The following ZNF718 variants were observed in gnomAD, a reference collection of about 807,000 sequenced individuals.
ZNF718 encodes the protein zinc finger protein 718.
A neutral mutation model predicts 2.6 loss-of-function variants in ZNF718; 3 were observed. The observed-to-expected ratio is 1.16, with a 90% CI of 0.53 to 3.01. ZNF718 has a LOEUF of 3.01. Ranked by LOEUF, ZNF718 falls within the 30% of genes most tolerant of loss-of-function variation. ZNF718 has a pLI of 0.03. For synonymous variants in ZNF718, 135 were observed against 77.9 expected, an observed-to-expected ratio of 1.73 and a Z score of -3.86; for missense variants, 468 against 230.0, an observed-to-expected ratio of 2.03 and a Z score of -6.69.
At chr4:140,627 C>T (rs1266746265) in intron 3 of ZNF718, among the ~76,000 whole-genome samples, 3 of 152,070 alleles carry the variant, frequency 2.0e-5, no homozygotes, top group African/African-American at 7.2e-5. Flanking sequence ...GGTTCACAGC[C>T]TTCATTGGAT....
intron 3 of ZNF718, among the ~76,000 whole-genome samples, chr4:176,798 C>A (rs1207891150): frequency 6.6e-6 from 1 of 152,206 alleles, no homozygotes; most frequent in African/African-American, 2.4e-5. Flanking sequence ...TAGACTCATT[C>A]TCTTATTCAA....
At chr4:200,967 A>G (rs1717887408) in intron 3 of ZNF718, 1 of 152,464 alleles carries the variant, frequency 6.6e-6, no homozygotes, top group Admixed American at 6.5e-5. Flanking sequence ...AAAAGAAGAA[A>G]TATAAATTTG....
At chr4:157,103 C>CTTTTTTTTTTTTTTTTTTTT (rs199814257) in intron 3 of ZNF718, among the ~76,000 whole-genome samples, 2 of 103,148 alleles carry the variant, frequency 1.9e-5, no homozygotes, top group African/African-American at 4.0e-5. Context: ...TTCTTTCTTT[C>CTTTTTTTTTTTTTTTTTTTT]TTTTTTTTTT....
intron 3 of ZNF718, among the ~76,000 whole-genome samples, chr4:192,790 C>T (rs577950100): frequency 1.3e-5 from 2 of 152,202 alleles, no homozygotes; most frequent in South Asian, 2.1e-4. Flanking sequence ...TTTACAGCTT[C>T]GATTCTGGAA....
chr4:124,777 C>A, intron 1 of ZNF718, 104 bp downstream of exon 1: 2 of 1,501,476 alleles, frequency 1.3e-6, no homozygotes, highest in African/African-American at 1.4e-5. Flanking sequence ...CCCGCTCAGC[C>A]CTCTGTCCTC....
chr4:137,932 TAG>T (rs1342494353), intron 3 of ZNF718, among the ~76,000 whole-genome samples: 3 of 152,240 alleles, frequency 2.0e-5, no homozygotes, highest in African/African-American at 7.2e-5. Context: ...CCAAAAATTG[TAG>T]AGTTATGCTT....
chr4:181,844 G>C (rs1717471613), intron 3 of ZNF718, among the ~76,000 whole-genome samples: 3 of 152,064 alleles, frequency 2.0e-5, no homozygotes, highest in African/African-American at 7.2e-5. Context: ...AGGCCCCAGT[G>C]TGTGTTTTTC....
intron 3 of ZNF718, among the ~76,000 whole-genome samples, chr4:146,077 C>CCATATATA: frequency 7.0e-6 from 1 of 143,062 alleles, no homozygotes; most frequent in African/African-American, 2.6e-5. Context: ...ATATAGCCTT[C>CCATATATA]TATATATATA....
chr4:127,244 A>G (rs2108778205), intron 1 of ZNF718, among the ~76,000 whole-genome samples: 1 of 105,012 alleles, frequency 9.5e-6, no homozygotes, highest in African/African-American at 3.3e-5. Context: ...TCCAGCCACA[A>G]CCCACAATTG....
At chr4:167,641 GCTCT>G (rs565397268), downstream of ZNF718, among the ~76,000 whole-genome samples, 678 of 152,062 alleles carry the variant, frequency 4.5e-3, 7 homozygotes, top group African/African-American at 0.016. Flanking sequence ...TCATGATTTG[GCTCT>G]CTGTTTGTCT....
In ZNF718 at chr4:132,039, C is replaced by T. The variant is rs1455005694; in HGVS notation, c.226+534C>T. Among the ~76,000 whole-genome samples the T allele has an allele frequency of 5.9e-5, 5 of 85,226 alleles. 2 individuals carry two copies. Among genetic ancestry groups the T allele is most frequent in the African/African-American group, 1.2e-4 (3 of 24,216 alleles). The allele number at this position is 85,226 out of a possible 152,430, so 55.9% of individuals were successfully genotyped here. A position where few individuals can be genotyped will look rare whatever the true frequency, so the allele number is the denominator to read the frequency against. On this transcript the variant is annotated intron_variant, in intron 3 of 3. Transcript: ENST00000510175. ...CAGCCTGAGCGACAGAGCGAGACTCCGTCTCAAAAAAAAAAAAAACCCAGG... is the reference window on the plus strand; with the variant it reads ...CAGCCTGAGCGACAGAGCGAGACTCTGTCTCAAAAAAAAAAAAAACCCAGG...
At chr4:156,266 T>C (rs904679611) in intron 3 of ZNF718, among the ~76,000 whole-genome samples, 7 of 152,204 alleles carry the variant, frequency 4.6e-5, no homozygotes, top group Non-Finnish European at 1.0e-4. Flanking sequence ...TCTGTATTTG[T>C]ATTGTTCCTG....
chr4:137,720 G>A (rs782676118), intron 3 of ZNF718, among the ~76,000 whole-genome samples: 26 of 151,250 alleles, frequency 1.7e-4, no homozygotes, highest in Non-Finnish European at 3.5e-4. Context: ...GTTTATTCTG[G>A]GTGTTAACTT....
chr4:144,168 G>A (rs1428877917), intron 3 of ZNF718, among the ~76,000 whole-genome samples: 2 of 152,178 alleles, frequency 1.3e-5, no homozygotes, highest in Non-Finnish European at 2.9e-5. Context: ...GGGGGCCTTC[G>A]AGCCCCTATG....
At chr4:160,084 G>C (rs1166895303) in intron 3 of ZNF718, among the ~76,000 whole-genome samples, 2 of 152,192 alleles carry the variant, frequency 1.3e-5, no homozygotes, top group Non-Finnish European at 2.9e-5. Context: ...TAGCACTGCT[G>C]TCTGCTCATG....
chr4:124,821 A>G (rs535606095), intron 1 of ZNF718, 148 bp downstream of exon 1: 406 of 1,084,546 alleles, frequency 3.7e-4, no homozygotes, highest in Non-Finnish European at 4.9e-4. Context: ...CGCTCTTGTC[A>G]GTCCCCGTAC....
rs782373439 is a variant in ZNF718, at chr4:161,000, AC to A, written c.316del (p.Arg106ValfsTer6). On this transcript the variant is annotated frameshift_variant, in exon 4 of 4. Transcript: ENST00000510175. LOFTEE classifies it low-confidence loss of function (END_TRUNC). Reference sequence around the variant, plus strand: ...AACTTATACCAAAAGGACATGAGAAACGTGGACATGAGAATTTAAGAAAAAC... The same window carrying A: ...AACTTATACCAAAAGGACATGAGAAAGTGGACATGAGAATTTAAGAAAAAC... ...HKLIPKGHEK[R>X]GHENLRKTCK... 10 of 780,912 alleles carry A rather than the reference AC, an allele frequency of 1.3e-5. No homozygotes were observed. The highest frequency in any genetic ancestry group is 5.1e-5 in the African/African-American group (3 of 59,150). 48.4% of individuals were successfully genotyped at this position (780,912 alleles called of 1,614,324 possible).
chr4:135,237 C>CT (rs1715506256), intron 3 of ZNF718, among the ~76,000 whole-genome samples: 2 of 65,446 alleles, frequency 3.1e-5, no homozygotes, highest in Non-Finnish European at 5.9e-5. Context: ...AGACTCTTGT[C>CT]TTAAAAAAAA....
intron 3 of ZNF718, chr4:136,373 T>G (rs1715572392): frequency 3.8e-6 from 2 of 520,186 alleles, no homozygotes; most frequent in Non-Finnish European, 7.7e-6. Context: ...TGCCTCCAGG[T>G]CCATGGCTGG....
Sources: allele counts gnomAD v4.1 joint callset (sites outside exome capture counted in the v4.1 genomes callset), GRCh38; gene constraint gnomAD v4.1.1; transcripts MANE v1.5; gene names NCBI Gene and HGNC (gene_info 2026-07-23, HGNC 2026-07-21).